Variants in ZPLD1 observed in about 807,000 individuals in gnomAD.
ZPLD1 encodes the protein zona pellucida-like domain-containing protein 1.
Under a neutral mutation model 47.2 loss-of-function variants are expected in ZPLD1, and 34 were observed. That is an observed-to-expected ratio of 0.72 (90% confidence interval 0.55 to 0.96). The LOEUF (loss-of-function observed/expected upper bound fraction) is 0.96. Ranked by LOEUF, ZPLD1 falls within the 40% of genes least tolerant of loss-of-function variation. The pLI is 0.00. For synonymous variants in ZPLD1, 176 were observed against 186.2 expected (o/e 0.95, Z 0.45); for missense variants, 512 against 505.8 (o/e 1.01, Z -0.12).
chr3:102,475,723 G>T (rs1371772381), intron 10 of ZPLD1, among the ~76,000 whole-genome samples: 2 of 151,962 alleles, frequency 1.3e-5, no homozygotes, highest in East Asian at 1.9e-4. Flanking sequence ...GCGATGCATT[G>T]CACCATTCTA....
upstream of ZPLD1, chr3:102,434,986 C>T (rs1293964770): frequency 3.0e-6 from 3 of 988,874 alleles, no homozygotes; most frequent in African/African-American, 3.2e-5. Flanking sequence ...GGAGCCTGAG[C>T]AGCCAGGATG....
chr3:102,472,668 T>A (rs1481480784), intron 10 of ZPLD1, among the ~76,000 whole-genome samples: 2 of 152,188 alleles, frequency 1.3e-5, no homozygotes, highest in Non-Finnish European at 2.9e-5. Flanking sequence ...GGATTGCTTT[T>A]GGGTAGGCAC....
intron 8 of ZPLD1, among the ~76,000 whole-genome samples, chr3:102,427,605 G>A (rs1706963686): frequency 6.6e-6 from 1 of 152,148 alleles, no homozygotes; most frequent in Non-Finnish European, 1.5e-5. Context: ...AGTTTCATAG[G>A]TACTTTATCT....
chr3:102,432,246 A>G (rs539238525), upstream of ZPLD1, among the ~76,000 whole-genome samples: 2 of 152,338 alleles, frequency 1.3e-5, no homozygotes, highest in African/African-American at 4.8e-5. Flanking sequence ...AGCACTGGGT[A>G]TGAGGCCATG....
intron 7 of ZPLD1, among the ~76,000 whole-genome samples, chr3:102,416,591 G>A (rs1706807421): frequency 6.6e-6 from 1 of 151,766 alleles, no homozygotes; most frequent in South Asian, 2.1e-4. Context: ...TAATTAGGAA[G>A]ACCTAAAAAA....
At chr3:102,387,965 A>G (rs576017885) in intron 6 of ZPLD1, among the ~76,000 whole-genome samples, 127 of 141,948 alleles carry the variant, frequency 8.9e-4, no homozygotes, top group African/African-American at 3.2e-3. Context: ...GGCTCACGCC[A>G]TTCTCCTGCC....
intron 8 of ZPLD1, among the ~76,000 whole-genome samples, chr3:102,423,778 T>A (rs1186126251): frequency 6.6e-6 from 1 of 152,102 alleles, no homozygotes; most frequent in Non-Finnish European, 1.5e-5. Context: ...TTTTCAATGG[T>A]GGCATGCATA....
chr3:102,390,960 C>T (rs1340358274), intron 6 of ZPLD1, among the ~76,000 whole-genome samples: 3 of 152,034 alleles, frequency 2.0e-5, no homozygotes, highest in Admixed American at 2.0e-4. Context: ...CAGAAAAGGA[C>T]CCCATGTCCT....
chr3:102,433,371 C>T (rs1707040769), upstream of ZPLD1, among the ~76,000 whole-genome samples: 1 of 152,194 alleles, frequency 6.6e-6, no homozygotes, highest in Non-Finnish European at 1.5e-5. Flanking sequence ...CTTCAGATTA[C>T]TGTGCCTTAG....
In ZPLD1 at chr3:102,470,482, G is replaced by C. The variant is rs1466015967; in HGVS notation, c.1022G>C (p.Gly341Ala). Residue 341 changes from glycine (G) to alanine (A), a missense_variant, in exon 10 of 12, where the codon GGT (glycine) becomes GCT (alanine). Coordinates refer to ENST00000466937, the MANE Select transcript of ZPLD1 (RefSeq NM_001329788.2). ...TCTGGCAGCGCGGTGCTCTCTGCTG[G>C]TCCCATCATTACTCGGAGTGGTAAG... ...SSSGSAVLSA[G>A]PIITRSDETP... 1.2e-6 allele frequency: 2 copies of C among 1,613,754 alleles called. No homozygotes were observed. Among genetic ancestry groups the C allele is most frequent in the Non-Finnish European group, 1.7e-6 (2 of 1,179,938 alleles).
intron 7 of ZPLD1, among the ~76,000 whole-genome samples, chr3:102,398,167 A>T (rs1356729596): frequency 6.6e-5 from 10 of 152,096 alleles, no homozygotes; most frequent in Non-Finnish European, 1.3e-4. Context: ...ATTCTCAAGG[A>T]AGGGGATTTT....
At chr3:102,438,628 C>G in intron 3 of ZPLD1, 35 bp downstream of exon 3, 1 of 1,497,414 alleles carries the variant, frequency 6.7e-7, no homozygotes, top group Non-Finnish European at 9.3e-7. Context: ...CTAGTTGTTT[C>G]TGGAAGAGTG....
intron 7 of ZPLD1, among the ~76,000 whole-genome samples, chr3:102,403,682 T>C (rs1179533948): frequency 2.0e-5 from 3 of 151,982 alleles, no homozygotes; most frequent in Admixed American, 6.6e-5. Context: ...AATAAACTTC[T>C]AGTTTATCCT....
intron 10 of ZPLD1, among the ~76,000 whole-genome samples, chr3:102,470,828 G>A (rs201960060): frequency 1.3e-5 from 2 of 151,900 alleles, no homozygotes; most frequent in East Asian, 3.9e-4. Context: ...GTCCAGGCTG[G>A]GGTGCAGTGG....
intron 7 of ZPLD1, among the ~76,000 whole-genome samples, chr3:102,411,828 C>G (rs1388454653): frequency 6.6e-6 from 1 of 151,822 alleles, no homozygotes; most frequent in Non-Finnish European, 1.5e-5. Flanking sequence ...GGTCAGGATT[C>G]TCCAGAAAAA....
intron 8 of ZPLD1, among the ~76,000 whole-genome samples, chr3:102,419,133 T>C (rs1237441244): frequency 2.0e-5 from 3 of 152,048 alleles, no homozygotes; most frequent in Non-Finnish European, 4.4e-5. Context: ...TTCTAAACTG[T>C]CAGTTTAAAT....
At chr3:102,419,230 A>G (rs907240324) in intron 8 of ZPLD1, among the ~76,000 whole-genome samples, 11 of 151,886 alleles carry the variant, frequency 7.2e-5, no homozygotes, top group Admixed American at 1.3e-4. Flanking sequence ...CTATTATTTC[A>G]TTTTTCAGTC....
Position 102,406,602 on chromosome 3 carries a change from T to C in ZPLD1, c.-156-11458T>C, listed in dbSNP as rs144135931. On this transcript the variant is annotated intron_variant, in intron 7 of 17. Transcript: ENST00000491959. ...TATCGATTATGGTTAACTTCACTTG[T>C]AGAAGTTTATATTTTGCTTACTTTC... is the stretch of plus-strand genomic sequence containing the variant. Among the ~76,000 whole-genome samples, 5 of 152,114 alleles carry C rather than the reference T, an allele frequency of 3.3e-5. No homozygotes were observed. In the East Asian group the frequency reaches 7.8e-4, roughly 24 times the overall value.
At position 102,473,511 on chromosome 3, in the gene ZPLD1, C is replaced by A. The variant is rs138184331; in HGVS notation, c.1042+3009C>A. ...TCAGGGTCACCTCAGGTTTCTCCACCAGCAGAGCCCCCAGAGGAGCACACT... is the reference window on the plus strand; with the variant it reads ...TCAGGGTCACCTCAGGTTTCTCCACAAGCAGAGCCCCCAGAGGAGCACACT... On this transcript the variant is annotated intron_variant, in intron 10 of 11. Coordinates refer to ENST00000466937, the MANE Select transcript of ZPLD1 (RefSeq NM_001329788.2). 1.9e-4 allele frequency among the ~76,000 whole-genome samples: 29 copies of A among 152,270 alleles called. No individual in the cohort carries two copies. In the East Asian group the frequency reaches 5.6e-3, roughly 29 times the overall value.
Sources: gnomAD v4.1 joint callset for allele counts (sites outside exome capture counted in the v4.1 genomes callset) on GRCh38, gnomAD v4.1.1 for gene constraint, MANE v1.5 for transcripts, NCBI Gene and HGNC (gene_info 2026-07-23, HGNC 2026-07-21) for gene names.